GPR158: variants seen among roughly 807,000 people sequenced by gnomAD.
The protein encoded by GPR158 is G protein-coupled receptor 158, also known as metabotropic glycine receptor.
GPR158 carries 30 observed loss-of-function variants against 78.2 expected under a neutral mutation model. The ratio of observed to expected loss-of-function variants is 0.38; its 90% CI spans 0.29 to 0.52. GPR158 has a LOEUF of 0.52. Ranked by LOEUF, GPR158 falls within the 20% of genes least tolerant of loss-of-function variation. The probability of loss-of-function intolerance (pLI) is 0.83; values close to 1 mark genes in which losing one functional copy is unlikely to be tolerated. For synonymous variants in GPR158, 581 were observed against 591.1 expected, an observed-to-expected ratio of 0.98 and a Z score of 0.25; for missense variants, 1,463 against 1,523.5, an observed-to-expected ratio of 0.96 and a Z score of 0.66.
At chr10:25,416,746 C>T (rs2130554668) in intron 4 of GPR158, among the ~76,000 whole-genome samples, 1 of 152,124 alleles carries the variant, frequency 6.6e-6, no homozygotes, top group South Asian at 2.1e-4. Flanking sequence ...TAAGAAAATC[C>T]AGCCCCTGAG....
intron 3 of GPR158, among the ~76,000 whole-genome samples, chr10:25,402,840 G>C (rs1052072604): frequency 6.6e-6 from 1 of 151,772 alleles, no homozygotes; most frequent in Non-Finnish European, 1.5e-5. Flanking sequence ...GGGTTAATTA[G>C]ATATTTGTGA....
intron 2 of GPR158, among the ~76,000 whole-genome samples, chr10:25,320,415 A>T (rs978806734): frequency 2.0e-5 from 3 of 152,226 alleles, no homozygotes; most frequent in Non-Finnish European, 4.4e-5. Context: ...TGCCTGGACC[A>T]TCTGTGGGTC....
At chr10:25,269,763 T>G (rs1208928389) in intron 2 of GPR158, among the ~76,000 whole-genome samples, 1 of 152,210 alleles carries the variant, frequency 6.6e-6, no homozygotes, top group African/African-American at 2.4e-5. Flanking sequence ...ACTGAGCTGA[T>G]GTTGCCAGGC....
chr10:25,305,735 CA>C (rs1854666082), intron 2 of GPR158, among the ~76,000 whole-genome samples: 1 of 152,124 alleles, frequency 6.6e-6, no homozygotes, highest in East Asian at 1.9e-4. Flanking sequence ...GCAGAAAAAA[CA>C]GCAACAATAG....
intron 6 of GPR158, among the ~76,000 whole-genome samples, chr10:25,567,137 T>G (rs1836940529): frequency 1.3e-5 from 2 of 152,106 alleles, no homozygotes; most frequent in African/African-American, 4.8e-5. Context: ...ATATTTTCAT[T>G]CCTTTTTTTA....
At position 25,567,772 on chromosome 10, in the gene GPR158, T is replaced by C. The variant is rs987269127; in HGVS notation, c.1515-4877T>C. 3.3e-5 allele frequency among the ~76,000 whole-genome samples: 5 copies of C among 152,268 alleles called. No individual in the cohort carries two copies. In the East Asian group the frequency reaches 7.7e-4, roughly 24 times the overall value. On this transcript the variant is annotated intron_variant, in intron 6 of 10. Transcript: ENST00000376351. Reference sequence around the variant, plus strand: ...TAAATTTTGGTGGAGAGCCAGTGATTGTAAACAGGGAAGCAATACGATCAG... The same window carrying C: ...TAAATTTTGGTGGAGAGCCAGTGATCGTAAACAGGGAAGCAATACGATCAG...
intron 2 of GPR158, among the ~76,000 whole-genome samples, chr10:25,239,268 G>A (rs184407741): frequency 1.3e-5 from 2 of 152,134 alleles, no homozygotes; most frequent in African/African-American, 4.8e-5. Context: ...GTGAGAGGAC[G>A]CCCAGCCGCA....
chr10:25,352,827 T>A (rs35850110), intron 2 of GPR158, among the ~76,000 whole-genome samples: 11,741 of 152,108 alleles, frequency 0.077, 1,107 homozygotes, highest in African/African-American at 0.23. Flanking sequence ...GGCCTTGAAC[T>A]GTTACTCTGT....
intron 2 of GPR158, among the ~76,000 whole-genome samples, chr10:25,338,547 A>ATAATATACGTATATTACGTATATT (rs370543571): frequency 1.7e-5 from 1 of 58,368 alleles, no homozygotes; most frequent in Non-Finnish European, 8.1e-5. Flanking sequence ...ATATATACGT[A>ATAATATACGTATATTACGTATATT]ATATATAATA....
At position 25,588,893 on chromosome 10, in the gene GPR158, C is replaced by CT. The variant is rs1400600152; in HGVS notation, c.1754-113dup. ...TGTATTTGTATGTGAATAAGACTTTCTAACCCATCTATTTATAAAAAACTT... is the reference window on the plus strand; with the variant it reads ...TGTATTTGTATGTGAATAAGACTTTCTTAACCCATCTATTTATAAAAAACTT... On this transcript the variant is annotated intron_variant, in intron 7 of 10. Coordinates refer to ENST00000376351, the MANE Select transcript of GPR158 (RefSeq NM_020752.3). 4 of 559,960 alleles carry CT rather than the reference C, an allele frequency of 7.1e-6. No homozygotes were observed. In the East Asian group the frequency reaches 1.1e-4, roughly 16 times the overall value. The allele number at this position is 559,960 out of a possible 1,614,324, so 34.7% of individuals were successfully genotyped here. A position where few individuals can be genotyped will look rare whatever the true frequency, so the allele number is the denominator to read the frequency against.
At chr10:25,384,221 C>G (rs868545315) in intron 2 of GPR158, among the ~76,000 whole-genome samples, 2 of 151,802 alleles carry the variant, frequency 1.3e-5, no homozygotes, top group Admixed American at 6.6e-5. Flanking sequence ...TTAAAATAGC[C>G]TATAGTTTAG....
intron 4 of GPR158, among the ~76,000 whole-genome samples, chr10:25,446,542 A>G (rs116364403): frequency 0.015 from 2,284 of 152,244 alleles, 61 homozygotes; most frequent in African/African-American, 0.053. Context: ...TACTTTGTCC[A>G]TGGCTTTCCA....
At chr10:25,244,003 C>T (rs1008501518) in intron 2 of GPR158, 12 of 152,078 alleles carry the variant, frequency 7.9e-5, no homozygotes, top group African/African-American at 2.9e-4. Context: ...ATTTAATGGA[C>T]AGTAAATATT....
At chr10:25,462,057 C>T (rs760163867) in intron 4 of GPR158, among the ~76,000 whole-genome samples, 5 of 151,972 alleles carry the variant, frequency 3.3e-5, no homozygotes, top group Non-Finnish European at 4.4e-5. Flanking sequence ...TCATAGCTAG[C>T]GAGGAGAAGT....
chr10:25,223,863 G>C (rs1304256939), intron 2 of GPR158, among the ~76,000 whole-genome samples: 2 of 152,162 alleles, frequency 1.3e-5, no homozygotes, highest in African/African-American at 4.8e-5. Context: ...GTAAACAATA[G>C]AGAAAGTTAC....
chr10:25,208,416 G>A (rs1853076695), intron 1 of GPR158, among the ~76,000 whole-genome samples: 1 of 152,094 alleles, frequency 6.6e-6, no homozygotes, highest in South Asian at 2.1e-4. Flanking sequence ...AATAAATGAT[G>A]GTATTCAAGA....
At chr10:25,417,069 C>T (rs896416411) in intron 4 of GPR158, among the ~76,000 whole-genome samples, 1 of 151,946 alleles carries the variant, frequency 6.6e-6, no homozygotes, top group African/African-American at 2.4e-5. Context: ...AGATAAAAAC[C>T]AACCAGTCAG....
At position 25,326,605 on chromosome 10, in the gene GPR158, G is replaced by T. The variant is rs529869381; in HGVS notation, c.1009-69306G>T. Among the ~76,000 whole-genome samples the T allele has an allele frequency of 1.8e-4, 28 of 152,234 alleles. No homozygotes were observed. In the South Asian group the frequency reaches 1.9e-3, roughly 10 times the overall value. ...TAGAACAGAGGTTGCCAGGAGATAG[G>T]GGCTGGGGAGAAATGTTGGCCAAAA... On this transcript the variant is annotated intron_variant, in intron 2 of 10. Transcript: ENST00000376351.
chr10:25,271,973 A>G (rs1854124061), intron 2 of GPR158, among the ~76,000 whole-genome samples: 1 of 152,166 alleles, frequency 6.6e-6, no homozygotes, highest in African/African-American at 2.4e-5. Context: ...CTTTGTGGGC[A>G]AAAATGCCCA....
Sources: gnomAD v4.1 joint callset for allele counts (sites outside exome capture counted in the v4.1 genomes callset) on GRCh38, gnomAD v4.1.1 for gene constraint, MANE v1.5 for transcripts, NCBI Gene and HGNC (gene_info 2026-07-23, HGNC 2026-07-21) for gene names.